The following TUSC3 variants were observed in gnomAD, a reference collection of about 807,000 sequenced individuals.
The protein encoded by TUSC3 is dolichyl-diphosphooligosaccharide--protein glycosyltransferase subunit TUSC3.
Under a neutral mutation model 44.8 loss-of-function variants are expected in TUSC3, and 45 were observed. The ratio of observed to expected loss-of-function variants is 1.00; its 90% CI spans 0.79 to 1.29. TUSC3 has a LOEUF of 1.29. TUSC3 is among the 50% of genes most tolerant of loss of function. The pLI is 0.00. For missense variants in TUSC3, 519 were observed against 437.9 expected (o/e 1.19, Z -1.65); for synonymous variants, 212 against 152.9 (o/e 1.39, Z -2.85).
chr8:15,660,788 A>G (rs1407733953), intron 4 of TUSC3, among the ~76,000 whole-genome samples: 1 of 151,776 alleles, frequency 6.6e-6, no homozygotes, highest in East Asian at 1.9e-4. Flanking sequence ...CAAGACATTA[A>G]GAGTAATATT....
chr8:15,497,544 G>A (rs912308006), intron 2 of TUSC3, among the ~76,000 whole-genome samples: 1 of 152,082 alleles, frequency 6.6e-6, no homozygotes, highest in Non-Finnish European at 1.5e-5. Context: ...GCAATTCTTC[G>A]GAGGGGTGGC....
At chr8:15,639,978 G>A (rs1418429223) in intron 2 of TUSC3, among the ~76,000 whole-genome samples, 2 of 152,094 alleles carry the variant, frequency 1.3e-5, no homozygotes, top group Admixed American at 6.6e-5. Flanking sequence ...TAACATAGCA[G>A]GCCTGAGATT....
chr8:15,781,503 C>A, the TUSC3 span, among the ~76,000 whole-genome samples: 1 of 152,032 alleles, frequency 6.6e-6, no homozygotes, highest in Non-Finnish European at 1.5e-5. Flanking sequence ...TTGTTACATA[C>A]AAGACAGTCA....
chr8:15,443,859 AC>A (rs1800055643), intron 1 of TUSC3, among the ~76,000 whole-genome samples: 1 of 152,120 alleles, frequency 6.6e-6, no homozygotes, highest in South Asian at 2.1e-4. Context: ...AGACGGATAA[AC>A]TGGCTCACCT....
chr8:15,742,848 G>A (rs1328790722), intron 7 of TUSC3, among the ~76,000 whole-genome samples: 1 of 152,170 alleles, frequency 6.6e-6, no homozygotes, highest in Non-Finnish European at 1.5e-5. Flanking sequence ...ATGTTTTTAT[G>A]AAGATGAAAA....
the TUSC3 span, among the ~76,000 whole-genome samples, chr8:15,818,116 G>T: frequency 1.3e-5 from 2 of 152,210 alleles, no homozygotes; most frequent in African/African-American, 4.8e-5. Context: ...AGTTGAATCT[G>T]AAGTGGAAAT....
intron 1 of TUSC3, among the ~76,000 whole-genome samples, chr8:15,463,159 CAT>C (rs1381125962): frequency 2.0e-5 from 3 of 151,976 alleles, no homozygotes; most frequent in Non-Finnish European, 2.9e-5. Context: ...TCCGTAAAAA[CAT>C]AAGTTTGCAA....
rs934104143 is a variant in TUSC3 at position 15,637,668 on chromosome 8, C to G, written c.309-13029C>G. The stretch of plus-strand genomic sequence containing the variant: ...CTGCTTCTTAAAACTTTTTTTTTAC[C>G]CCTTTCCTATACCAGACCAGAAACC... On this transcript the variant is annotated intron_variant, in intron 2 of 10. Transcript: ENST00000503731. Among the ~76,000 whole-genome samples the G allele has an allele frequency of 6.5e-4, 98 of 150,946 alleles. 1 individual carries two copies. The highest frequency in any genetic ancestry group is 2.2e-3 in the African/African-American group (90 of 41,086).
chr8:15,592,534 C>T (rs889938803), intron 1 of TUSC3, among the ~76,000 whole-genome samples: 1 of 151,996 alleles, frequency 6.6e-6, no homozygotes, highest in Non-Finnish European at 1.5e-5. Flanking sequence ...AGGAGCCTGC[C>T]ACCTCCTCCT....
chr8:15,786,941 C>CAAA, the TUSC3 span, among the ~76,000 whole-genome samples: 1,192 of 63,068 alleles, frequency 0.019, 41 homozygotes, highest in South Asian at 0.029. Flanking sequence ...GAGACTCCAT[C>CAAA]AAAAAAAAAA....
chr8:15,509,763 C>G, intron 2 of TUSC3, among the ~76,000 whole-genome samples: 1 of 152,166 alleles, frequency 6.6e-6, no homozygotes, highest in Non-Finnish European at 1.5e-5. Flanking sequence ...TATTACATCC[C>G]TATCCATTAA....
chr8:15,438,338 C>T (rs916101062), intron 1 of TUSC3, among the ~76,000 whole-genome samples: 2 of 152,138 alleles, frequency 1.3e-5, no homozygotes, highest in Non-Finnish European at 1.5e-5. Context: ...TCAGGTGGTC[C>T]GCCTGCCTCG....
the TUSC3 span, among the ~76,000 whole-genome samples, chr8:15,815,206 T>C: frequency 1.3e-5 from 2 of 152,064 alleles, no homozygotes; most frequent in Admixed American, 1.3e-4. Context: ...AAGGAAGGTA[T>C]TGCACGAGGT....
chr8:15,564,802 C>T (rs965852073), intron 1 of TUSC3, among the ~76,000 whole-genome samples: 2 of 151,988 alleles, frequency 1.3e-5, no homozygotes, highest in African/African-American at 4.8e-5. Context: ...GCTGGAGTGT[C>T]CACTCCCACC....
chr8:15,516,329 A>T (rs1053088257), intron 2 of TUSC3, among the ~76,000 whole-genome samples: 4 of 152,154 alleles, frequency 2.6e-5, no homozygotes, highest in African/African-American at 4.8e-5. Flanking sequence ...GTTCTCATTT[A>T]CCTTAATTAC....
At chr8:15,422,466 G>T (rs531756833) in intron 1 of TUSC3, among the ~76,000 whole-genome samples, 1 of 152,178 alleles carries the variant, frequency 6.6e-6, no homozygotes, top group Non-Finnish European at 1.5e-5. Context: ...GTCAAAGGAT[G>T]CAAAATATTA....
intron 6 of TUSC3, among the ~76,000 whole-genome samples, chr8:15,725,438 A>G (rs1272560866): frequency 3.9e-5 from 6 of 152,194 alleles, no homozygotes; most frequent in Admixed American, 1.3e-4. Context: ...GGACTTGCAT[A>G]AATTTACAAA....
chr8:15,851,460 A>C, the TUSC3 span, among the ~76,000 whole-genome samples: 4 of 152,292 alleles, frequency 2.6e-5, no homozygotes, highest in South Asian at 6.2e-4. Context: ...TATGCATTAC[A>C]TTGTTTAATC....
At chr8:15,714,093 A>G (rs1042266658) in intron 6 of TUSC3, among the ~76,000 whole-genome samples, 10 of 152,064 alleles carry the variant, frequency 6.6e-5, no homozygotes, top group South Asian at 2.1e-4. Flanking sequence ...AGTAACATCT[A>G]CCTCTTTACT....
Sources: gnomAD v4.1 joint callset for allele counts (sites outside exome capture counted in the v4.1 genomes callset) on GRCh38, gnomAD v4.1.1 for gene constraint, MANE v1.5 for transcripts, NCBI Gene and HGNC (gene_info 2026-07-23, HGNC 2026-07-21) for gene names.